NELL1: variants seen among roughly 807,000 people sequenced by gnomAD.
NELL1 encodes protein kinase C-binding protein NELL1.
NELL1 carries 76 observed loss-of-function variants against 107.4 expected under a neutral mutation model. The observed-to-expected ratio is 0.71, with a 90% CI of 0.59 to 0.86. The LOEUF (loss-of-function observed/expected upper bound fraction) is 0.86, where lower values mean the gene tolerates loss of function less well. NELL1 is among the 40% of genes least tolerant of loss of function. NELL1 has a pLI of 0.00. For synonymous variants in NELL1, 353 were observed against 341.2 expected (o/e 1.03, Z -0.38); for missense variants, 1,024 against 1,005.5 (o/e 1.02, Z -0.25).
intron 3 of NELL1, among the ~76,000 whole-genome samples, chr11:20,800,330 C>A (rs1857257690): frequency 6.6e-6 from 1 of 152,238 alleles, no homozygotes; most frequent in East Asian, 1.9e-4. Context: ...TAGACATGTC[C>A]TTTTCTCCAC....
chr11:20,700,043 C>CATT (rs34323228), intron 2 of NELL1, among the ~76,000 whole-genome samples: 13,703 of 151,952 alleles, frequency 0.09, 818 homozygotes, highest in Non-Finnish European at 0.13. Flanking sequence ...GGACGTAGAA[C>CATT]TTTTTTTTTA....
intron 3 of NELL1, among the ~76,000 whole-genome samples, chr11:20,828,992 T>C (rs1291539832): frequency 3.3e-5 from 5 of 152,272 alleles, no homozygotes; most frequent in Admixed American, 2.6e-4. Flanking sequence ...AAAGATAAAA[T>C]ACATTTTTCC....
intron 5 of NELL1, among the ~76,000 whole-genome samples, chr11:20,897,664 C>T (rs1465211718): frequency 1.3e-5 from 2 of 152,088 alleles, no homozygotes; most frequent in East Asian, 1.9e-4. Flanking sequence ...TTGCAATCTA[C>T]TCATCTGACA....
At chr11:21,008,057 A>G (rs372029540) in intron 12 of NELL1, among the ~76,000 whole-genome samples, 6 of 152,222 alleles carry the variant, frequency 3.9e-5, no homozygotes, top group East Asian at 3.9e-4. Context: ...GGTTGCTTAC[A>G]GAAGTGAAGT....
intron 13 of NELL1, among the ~76,000 whole-genome samples, chr11:21,225,520 A>G (rs376455504): frequency 3.3e-5 from 5 of 152,258 alleles, no homozygotes; most frequent in African/African-American, 1.2e-4. Context: ...TCTGTACCCT[A>G]AAAGGTCTTC....
chr11:21,554,939 G>T lies in NELL1; in HGVS notation c.1787-5250G>T, dbSNP rs185635389. On this transcript the variant is annotated intron_variant, in intron 16 of 19. Transcript: ENST00000357134. The stretch of plus-strand genomic sequence containing the variant: ...TATCCGCAGTTTCTGGATTACAAAG[G>T]TTAAGCTTTCAATTGGTATGCTATA... Among the ~76,000 whole-genome samples the T allele has an allele frequency of 3.9e-5, 6 of 152,050 alleles. No homozygotes were observed. In the East Asian group the frequency reaches 7.8e-4, roughly 20 times the overall value.
chr11:21,429,317 T>C lies in NELL1; in HGVS notation c.1645+58369T>C, dbSNP rs538156963. ...TAAATATTAAAGTAACATTGACAAGTTGGGAGGAATGAAATATGATTCAAA... is the reference window on the plus strand; with the variant it reads ...TAAATATTAAAGTAACATTGACAAGCTGGGAGGAATGAAATATGATTCAAA... On this transcript the variant is annotated intron_variant, in intron 15 of 19. Coordinates refer to ENST00000357134, the MANE Select transcript of NELL1 (RefSeq NM_006157.5). 2.7e-4 allele frequency among the ~76,000 whole-genome samples: 41 copies of C among 152,296 alleles called. No homozygotes were observed. In the South Asian group the frequency reaches 8.3e-3, roughly 31 times the overall value.
Position 21,195,933 on chromosome 11 carries a change from G to A in NELL1, c.1427-33399G>A, listed in dbSNP as rs190421977. Reference sequence around the variant, plus strand: ...AAGTAATACTATTTTTCAGCATGAAGTGTTATTACCTCCCACCTTGGATTT... The same window carrying A: ...AAGTAATACTATTTTTCAGCATGAAATGTTATTACCTCCCACCTTGGATTT... On this transcript the variant is annotated intron_variant, in intron 13 of 19. Coordinates refer to ENST00000357134, the MANE Select transcript of NELL1 (RefSeq NM_006157.5). 6.6e-5 allele frequency among the ~76,000 whole-genome samples: 10 copies of A among 152,316 alleles called. No homozygotes were observed. The East Asian group carries it at 1.9e-3, about 29-fold the overall frequency.
At chr11:21,574,069 T>G (rs1457499750) in intron 19 of NELL1, among the ~76,000 whole-genome samples, 1 of 151,820 alleles carries the variant, frequency 6.6e-6, no homozygotes, top group African/African-American at 2.4e-5. Context: ...CATGAAGAGC[T>G]GGAGTGGTAG....
chr11:20,699,005 T>G (rs1854697567), intron 2 of NELL1, among the ~76,000 whole-genome samples: 1 of 152,040 alleles, frequency 6.6e-6, no homozygotes, highest in African/African-American at 2.4e-5. Flanking sequence ...TCACCTGAGG[T>G]CAGGAGTTTG....
intron 15 of NELL1, among the ~76,000 whole-genome samples, chr11:21,414,974 C>CA (rs909289636): frequency 2.6e-5 from 4 of 151,832 alleles, no homozygotes; most frequent in Admixed American, 6.6e-5. Context: ...CCCTCCCTCC[C>CA]AAAAAAAGCA....
At chr11:21,246,727 A>G (rs1248885124) in intron 14 of NELL1, among the ~76,000 whole-genome samples, 1 of 152,194 alleles carries the variant, frequency 6.6e-6, no homozygotes, top group Non-Finnish European at 1.5e-5. Flanking sequence ...TGATAGAGAC[A>G]TACCCGAGAC....
intron 12 of NELL1, among the ~76,000 whole-genome samples, chr11:21,038,418 T>C (rs937103568): frequency 3.3e-5 from 5 of 152,168 alleles, no homozygotes; most frequent in African/African-American, 1.2e-4. Flanking sequence ...GTAAATTAGA[T>C]GCTAACACAA....
At chr11:20,680,135 A>G (rs1854154434) in intron 2 of NELL1, among the ~76,000 whole-genome samples, 1 of 152,128 alleles carries the variant, frequency 6.6e-6, no homozygotes, top group Admixed American at 6.5e-5. Context: ...GAAATTCAGG[A>G]TAATCTCCCC....
chr11:21,200,946 T>C (rs1857255968), intron 13 of NELL1, among the ~76,000 whole-genome samples: 1 of 152,222 alleles, frequency 6.6e-6, no homozygotes, highest in Admixed American at 6.5e-5. Context: ...GTTGTAGATG[T>C]GTGGCATTAT....
At chr11:21,272,582 T>C (rs2133936457) in intron 14 of NELL1, among the ~76,000 whole-genome samples, 1 of 152,314 alleles carries the variant, frequency 6.6e-6, no homozygotes, top group Non-Finnish European at 1.5e-5. Context: ...CAGCTGGACA[T>C]CTGAGAATGG....
At chr11:20,847,867 C>G in intron 4 of NELL1, 114 bp downstream of exon 4, 1 of 1,147,536 alleles carries the variant, frequency 8.7e-7, no homozygotes, top group Non-Finnish European at 1.2e-6. Context: ...CCAAGGGACC[C>G]TAATTGTAAT....
intron 15 of NELL1, among the ~76,000 whole-genome samples, chr11:21,464,834 T>C (rs1853987652): frequency 6.6e-6 from 1 of 152,172 alleles, no homozygotes; most frequent in Admixed American, 6.6e-5. Context: ...GAGACTAATG[T>C]ATAAACCAGA....
At chr11:21,490,038 G>A (rs1381458763) in intron 15 of NELL1, among the ~76,000 whole-genome samples, 1 of 151,916 alleles carries the variant, frequency 6.6e-6, no homozygotes, top group Non-Finnish European at 1.5e-5. Context: ...CTAACATCTA[G>A]AAAAACCTAA....
Sources: gnomAD v4.1 joint callset for allele counts (sites outside exome capture counted in the v4.1 genomes callset) on GRCh38, gnomAD v4.1.1 for gene constraint, MANE v1.5 for transcripts, NCBI Gene and HGNC (gene_info 2026-07-23, HGNC 2026-07-21) for gene names.